Variants in RYR3 observed in about 807,000 individuals in gnomAD.
RYR3 encodes brain ryanodine receptor-calcium release channel.
In RYR3, 207 loss-of-function variants were observed where a neutral mutation model predicts 584.3. The observed-to-expected ratio is 0.35, with a 90% CI of 0.32 to 0.40. RYR3 has a LOEUF of 0.40. RYR3 is among the 10% of genes least tolerant of loss of function. RYR3 has a pLI of 1.00. For missense variants in RYR3, 5,616 were observed against 6,089.2 expected (o/e 0.92, Z 2.59); for synonymous variants, 2,416 against 2,248.5 (o/e 1.07, Z -2.11).
Position 33,502,744 on chromosome 15 carries a change from A to G in RYR3, c.172-887A>G, listed in dbSNP as rs999879363. Among the ~76,000 whole-genome samples the G allele has an allele frequency of 2.0e-5, 3 of 152,184 alleles. No individual in the cohort carries two copies. In the South Asian group the frequency reaches 6.2e-4, roughly 32 times the overall value. On this transcript the variant is annotated intron_variant, in intron 2 of 103. Coordinates refer to ENST00000634891, the MANE Select transcript of RYR3 (RefSeq NM_001036.6). ...GAACAGTGTAGGGTTAAGCACATGG[A>G]CTTTGGAGACAGACTGTCTGGATTT... is the stretch of plus-strand genomic sequence containing the variant.
At position 33,731,732 on chromosome 15, in the gene RYR3, A is replaced by C. The variant is rs2068969228; in HGVS notation, c.7424+38A>C. 2.9e-6 allele frequency: 4 copies of C among 1,365,268 alleles called. No individual in the cohort carries two copies. In the African/African-American group the frequency reaches 5.7e-5, roughly 20 times the overall value. The allele number at this position is 1,365,268 out of a possible 1,614,324, so 84.6% of individuals were successfully genotyped here. On this transcript the variant is annotated intron_variant, in intron 48 of 103. Coordinates refer to ENST00000634891, the MANE Select transcript of RYR3 (RefSeq NM_001036.6). ...CCTATGTTGTTACTTCTGTGTATGC[A>C]TCCAGGTCAACTGCATTTTCCTATG... is the stretch of plus-strand genomic sequence containing the variant.
At chr15:33,505,637 G>A (rs1023536697) in intron 3 of RYR3, among the ~76,000 whole-genome samples, 4 of 152,042 alleles carry the variant, frequency 2.6e-5, no homozygotes, top group African/African-American at 4.8e-5. Flanking sequence ...GACTACAGGC[G>A]CCCGCCACCA....
At chr15:33,373,641 C>A (rs906262413) in intron 1 of RYR3, among the ~76,000 whole-genome samples, 4 of 152,006 alleles carry the variant, frequency 2.6e-5, no homozygotes, top group African/African-American at 9.7e-5. Context: ...TTTGTTTTGT[C>A]CAGGATACAT....
intron 60 of RYR3, among the ~76,000 whole-genome samples, chr15:33,758,366 G>A (rs998663308): frequency 2.0e-5 from 3 of 152,178 alleles, no homozygotes; most frequent in Non-Finnish European, 2.9e-5. Context: ...CCACACCCAT[G>A]GAGCCCAACA....
At chr15:33,616,964 T>A (rs2060481302) in intron 19 of RYR3, among the ~76,000 whole-genome samples, 1 of 152,228 alleles carries the variant, frequency 6.6e-6, no homozygotes, top group African/African-American at 2.4e-5. Flanking sequence ...GATTGGGTAT[T>A]CTACAACCCA....
chr15:33,357,047 C>A (rs1366295712), intron 1 of RYR3, among the ~76,000 whole-genome samples: 1 of 152,090 alleles, frequency 6.6e-6, no homozygotes, highest in Non-Finnish European at 1.5e-5. Flanking sequence ...CTTCACTTGT[C>A]TATCTCACCT....
chr15:33,434,899 G>A (rs939330335), intron 1 of RYR3, among the ~76,000 whole-genome samples: 1 of 152,154 alleles, frequency 6.6e-6, no homozygotes, highest in Non-Finnish European at 1.5e-5. Flanking sequence ...CTCACTGCAA[G>A]CTCCACCTCC....
At chr15:33,765,888 C>G (rs1327400295) in intron 60 of RYR3, among the ~76,000 whole-genome samples, 2 of 152,100 alleles carry the variant, frequency 1.3e-5, no homozygotes, top group African/African-American at 2.4e-5. Context: ...TGAGAACTGC[C>G]TGTGTAGTAT....
At chr15:33,516,325 G>A (rs578029839) in intron 3 of RYR3, among the ~76,000 whole-genome samples, 9 of 150,474 alleles carry the variant, frequency 6.0e-5, no homozygotes, top group Non-Finnish European at 1.3e-4. Context: ...CAAAAGACTC[G>A]TATCTGTAAG....
intron 1 of RYR3, among the ~76,000 whole-genome samples, chr15:33,444,245 A>C (rs1195308138): frequency 6.6e-6 from 1 of 152,248 alleles, no homozygotes; most frequent in East Asian, 1.9e-4. Context: ...CTCTGGGAGC[A>C]AAAAGCTTGT....
rs563923330 is a variant in RYR3, at chr15:33,761,398, T to C, written c.8705+3802T>C. Among the ~76,000 whole-genome samples the C allele has an allele frequency of 1.5e-3, 227 of 151,830 alleles. 1 individual carries two copies. The highest frequency in any genetic ancestry group is 5.3e-3 in the African/African-American group (221 of 41,436). On this transcript the variant is annotated intron_variant, in intron 60 of 103. Transcript: ENST00000634891. ...AGAGAGAAGAATCAAATAGACACAA[T>C]AAAAAATGATAAAGGGGATATCACC...
Position 33,644,369 on chromosome 15 carries a change from A to G in RYR3, c.3615A>G (p.Thr1205=), listed in dbSNP as rs769552182. ...AGATCGGCCGCATGAATCTCGGGAC[A>G]GATGCCAGTACCTTCAAGTTTTATA... is the stretch of plus-strand genomic sequence containing the variant. The part of the protein sequence containing the change: ...LSQIGRMNLG[T]DASTFKFYTM... Residue 1205 remains threonine, a synonymous_variant, in exon 28 of 104, where the codon ACA becomes ACG. Transcript: ENST00000634891. 9.3e-6 allele frequency: 15 copies of G among 1,613,372 alleles called. No individual in the cohort carries two copies. In the East Asian group the frequency reaches 2.5e-4, roughly 26 times the overall value.
At chr15:33,419,442 G>A (rs186505924) in intron 1 of RYR3, among the ~76,000 whole-genome samples, 5 of 152,242 alleles carry the variant, frequency 3.3e-5, no homozygotes, top group South Asian at 2.1e-4. Flanking sequence ...TCAGTCAGAC[G>A]TTAGACTCTG....
chr15:33,507,557 G>A (rs988882892), intron 3 of RYR3, among the ~76,000 whole-genome samples: 1 of 152,202 alleles, frequency 6.6e-6, no homozygotes, highest in Admixed American at 6.5e-5. Context: ...AAATATTAGA[G>A]TATTTTCACA....
At chr15:33,314,778 G>A (rs1285650994) in intron 1 of RYR3, among the ~76,000 whole-genome samples, 1 of 152,166 alleles carries the variant, frequency 6.6e-6, no homozygotes, top group African/African-American at 2.4e-5. Flanking sequence ...GCCGGGCGTG[G>A]TGGTGGGTGC....
At chr15:33,777,635 G>T (rs570416205) in intron 64 of RYR3, among the ~76,000 whole-genome samples, 1 of 152,200 alleles carries the variant, frequency 6.6e-6, no homozygotes, top group South Asian at 2.1e-4. Flanking sequence ...ATTAAAATAT[G>T]AGAGGGCAGG....
intron 102 of RYR3, among the ~76,000 whole-genome samples, chr15:33,863,889 T>C (rs1889449607): frequency 6.6e-6 from 1 of 152,200 alleles, no homozygotes; most frequent in South Asian, 2.1e-4. Context: ...TTGCAAGTGA[T>C]CTTACTTAGT....
Position 33,566,767 on chromosome 15 carries a change from G to A in RYR3, c.1236G>A (p.Arg412=). ...REESQAARII[R]NTTALFSQFV... ...AGTCCCAGGCTGCTCGGATCATCCG[G>A]AACACTACAGCCTTATTCAGCCAGT... Residue 412 remains arginine, a synonymous_variant, in exon 12 of 104, where the codon CGG becomes CGA. Coordinates refer to ENST00000634891, the MANE Select transcript of RYR3 (RefSeq NM_001036.6). 6.2e-7 allele frequency: 1 copy of A among 1,613,746 alleles called. No individual in the cohort carries two copies. Among genetic ancestry groups the A allele is most frequent in the South Asian group, 1.1e-5 (1 of 91,080 alleles).
intron 19 of RYR3, among the ~76,000 whole-genome samples, chr15:33,616,025 G>A (rs16973312): frequency 0.18 from 26,717 of 152,100 alleles, 2,555 homozygotes; most frequent in African/African-American, 0.24. Context: ...GTCAGTTCCC[G>A]GGACTGCATT....
Sources: allele counts gnomAD v4.1 joint callset (sites outside exome capture counted in the v4.1 genomes callset), GRCh38; gene constraint gnomAD v4.1.1; transcripts MANE v1.5; gene names NCBI Gene and HGNC (gene_info 2026-07-23, HGNC 2026-07-21).